WFS1: variants seen among roughly 807,000 people sequenced by gnomAD.
WFS1 encodes the protein wolframin ER transmembrane glycoprotein.
In WFS1, 90 loss-of-function variants were observed where a neutral mutation model predicts 68.5. The observed-to-expected ratio is 1.31, with a 90% CI of 1.11 to 1.56. The LOEUF is 1.56. Among genes scored for constraint, WFS1 ranks in the 40% most tolerant of loss-of-function variants. The probability of loss-of-function intolerance (pLI) is 0.00; values close to 1 mark genes in which losing one functional copy is unlikely to be tolerated. For synonymous variants in WFS1, 860 were observed against 540.7 expected, an observed-to-expected ratio of 1.59 and a Z score of -8.19; for missense variants, 1,767 against 1,232.6, an observed-to-expected ratio of 1.43 and a Z score of -6.49.
intron 5 of WFS1, among the ~76,000 whole-genome samples, 200 bp downstream of exon 5, chr4:6,291,567 G>A (rs575421064): frequency 1.3e-5 from 2 of 152,292 alleles, no homozygotes; most frequent in East Asian, 3.9e-4. Context: ...TGCCCTAGTG[G>A]TGAGGTGTGT....
intron 3 of WFS1, 67 bp from the exon 4 acceptor site, chr4:6,288,920 G>A (rs1578594749): frequency 2.5e-6 from 4 of 1,574,828 alleles, no homozygotes; most frequent in Non-Finnish European, 3.4e-6. Flanking sequence ...AAGGAGGTGG[G>A]CTGGCAGGGA....
In WFS1 at chr4:6,302,130, G is replaced by A. The variant is rs141328044; in HGVS notation, c.2335G>A (p.Val779Met). 1.5e-3 allele frequency: 2,444 copies of A among 1,612,962 alleles called. 16 individuals are homozygous for A. In the African/African-American group the frequency reaches 0.021, roughly 14 times the overall value. ...CGACCGCTACAAGTTTGAGATTACC[G>A]TGGGCATGCCATTCAGCAGCGGCGC... The part of the protein sequence containing the change: ...KFDRYKFEIT[V>M]GMPFSSGADG... Residue 779 changes from valine to methionine, a missense_variant, in exon 8 of 8, where the codon GTG becomes ATG. Physicochemically the swap from Val to Met is conservative, Grantham distance 21 (BLOSUM62 1). Coordinates refer to ENST00000226760, the MANE Select transcript of WFS1 (RefSeq NM_006005.3).
At chr4:6,278,524 C>T (rs1730062206) in intron 2 of WFS1, among the ~76,000 whole-genome samples, 1 of 152,238 alleles carries the variant, frequency 6.6e-6, no homozygotes, top group Admixed American at 6.5e-5. Context: ...GCCTGCAGGA[C>T]TCCTCATGGC....
Position 6,302,376 on chromosome 4 carries a change from G to C in WFS1, c.2581G>C (p.Val861Leu). The change falls in exon 8 of 8, where the codon GTG (valine) becomes CTG (leucine). Residue 861 changes from valine to leucine, a missense_variant. Physicochemically the swap from Val to Leu is conservative, Grantham distance 32 (BLOSUM62 1). Transcript: ENST00000226760. The stretch of plus-strand genomic sequence containing the variant: ...CCAGCTCTCACCCACCAGGCGGCAC[G>C]TGAAGATCGAGCACGACTGGCGCAG... ...MAQLSPTRRH[V>L]KIEHDWRSTV... 6.2e-7 allele frequency: 1 copy of C among 1,613,084 alleles called. No homozygotes were observed. Among genetic ancestry groups the C allele is most frequent in the Non-Finnish European group, 8.5e-7 (1 of 1,179,984 alleles).
At position 6,301,732 on chromosome 4, in the gene WFS1, TCTG is replaced by T; in HGVS notation, c.1941_1943del (p.Cys647del). 6.2e-7 allele frequency: 1 copy of T among 1,613,986 alleles called. No individual in the cohort carries two copies. The highest frequency in any genetic ancestry group is 8.5e-7 in the Non-Finnish European group (1 of 1,180,018). ...GTGTGGCTCACGGCCATCGTGCTGT[TCTG>T]CTGGTTCTATGTGTACCGCTCAGAG... On this transcript the variant is annotated inframe_deletion, in exon 8 of 8. Transcript: ENST00000226760.
intron 2 of WFS1, among the ~76,000 whole-genome samples, chr4:6,286,365 AC>A (rs1014199168): frequency 1.4e-4 from 21 of 152,068 alleles, no homozygotes; most frequent in Admixed American, 1.2e-3. Flanking sequence ...TGCCCCTTCC[AC>A]CCTGTGAGGA....
At chr4:6,277,139 C>A (rs1730017059) in intron 1 of WFS1, among the ~76,000 whole-genome samples, 1 of 152,252 alleles carries the variant, frequency 6.6e-6, no homozygotes, top group Non-Finnish European at 1.5e-5. Context: ...ATCCCCGTTT[C>A]TTGGATGAGG....
chr4:6,289,482 G>T (rs1481391759), intron 4 of WFS1, among the ~76,000 whole-genome samples: 2 of 152,262 alleles, frequency 1.3e-5, no homozygotes, highest in Non-Finnish European at 2.9e-5. Context: ...AATGTGGCCT[G>T]CAGTCAGAGT....
chr4:6,275,895 G>A (rs1729979997), intron 1 of WFS1, among the ~76,000 whole-genome samples: 1 of 152,202 alleles, frequency 6.6e-6, no homozygotes, highest in Non-Finnish European at 1.5e-5. Flanking sequence ...GTGGCCAGGG[G>A]ACTCCCTCGT....
chr4:6,302,205 C>T lies in WFS1; in HGVS notation c.2410C>T (p.Leu804=), dbSNP rs775712998. 7 of 1,611,386 alleles carry T rather than the reference C, an allele frequency of 4.3e-6. No individual in the cohort carries two copies. The highest frequency in any genetic ancestry group is 2.7e-5 in the African/African-American group (2 of 75,054). ...EEDDVTKDIV[L]RASSEFKSVL... is the part of the protein sequence containing the mutation. ...GGACGACGTCACCAAGGACATCGTG[C>T]TGCGGGCCAGCAGCGAGTTCAAGAG... The change falls in exon 8 of 8, where the codon CTG becomes TTG. Residue 804 remains leucine, a synonymous_variant. Transcript: ENST00000226760.
At chr4:6,299,418 G>A (rs1015354626) in intron 7 of WFS1, among the ~76,000 whole-genome samples, 8 of 152,016 alleles carry the variant, frequency 5.3e-5, no homozygotes, top group African/African-American at 1.7e-4. Context: ...GTGCGCTGGT[G>A]TGTATGTGTA....
chr4:6,288,172 G>A (rs995783437), intron 3 of WFS1, among the ~76,000 whole-genome samples: 8 of 146,404 alleles, frequency 5.5e-5, no homozygotes, highest in Admixed American at 2.1e-4. Flanking sequence ...AGCCGAGATC[G>A]CACCACCACG....
At chr4:6,297,142 A>G (rs1240374949) in intron 7 of WFS1, among the ~76,000 whole-genome samples, 2 of 152,216 alleles carry the variant, frequency 1.3e-5, no homozygotes, top group Non-Finnish European at 2.9e-5. Context: ...AGTCCTTTTT[A>G]GAAGGGAGAG....
At position 6,285,390 on chromosome 4, in the gene WFS1, A is replaced by G. The variant is rs530561122; in HGVS notation, c.233-1703A>G. Among the ~76,000 whole-genome samples, 79 of 148,776 alleles carry G rather than the reference A, an allele frequency of 5.3e-4. 1 individual carries two copies. The highest frequency in any genetic ancestry group is 1.8e-3 in the African/African-American group (72 of 40,242). On this transcript the variant is annotated intron_variant, in intron 2 of 7. Coordinates refer to ENST00000226760, the MANE Select transcript of WFS1 (RefSeq NM_006005.3). Reference sequence around the variant, plus strand: ...CATCAAGGGAGAGGGGTGTCCAGGGATGGGGGCATCCAGGGAGGGGGGCTT... The same window carrying G: ...CATCAAGGGAGAGGGGTGTCCAGGGGTGGGGGCATCCAGGGAGGGGGGCTT...
At chr4:6,274,812 G>A (rs766413555) in intron 1 of WFS1, among the ~76,000 whole-genome samples, 8 of 94,140 alleles carry the variant, frequency 8.5e-5, no homozygotes, top group Non-Finnish European at 1.7e-4. Flanking sequence ...AATGGGCCCC[G>A]GGAGAGAGGG....
chr4:6,282,575 C>T (rs1177940189), intron 2 of WFS1, among the ~76,000 whole-genome samples: 1 of 152,172 alleles, frequency 6.6e-6, no homozygotes, highest in Admixed American at 6.5e-5. Context: ...ATTTGACATA[C>T]ATCCAAAAAT....
At chr4:6,291,146 C>T (rs1467755600) in intron 4 of WFS1, 51 bp from the exon 5 acceptor site, 11 of 1,602,030 alleles carry the variant, frequency 6.9e-6, no homozygotes, top group African/African-American at 2.7e-5. Flanking sequence ...AGAGTGGCAC[C>T]GAAAGCCTAG....
chr4:6,272,314 A>G (rs1212144093), intron 1 of WFS1, among the ~76,000 whole-genome samples: 2 of 152,056 alleles, frequency 1.3e-5, no homozygotes, highest in Admixed American at 1.3e-4. Context: ...AGCAGGTGCC[A>G]GGTGTGTGGT....
intron 2 of WFS1, among the ~76,000 whole-genome samples, chr4:6,285,805 G>C (rs1273861140): frequency 5.3e-5 from 8 of 152,246 alleles, no homozygotes. Flanking sequence ...GACCAGAAAG[G>C]CTGGTCCTCA....
Sources: gnomAD v4.1 joint callset for allele counts (sites outside exome capture counted in the v4.1 genomes callset) on GRCh38, gnomAD v4.1.1 for gene constraint, MANE v1.5 for transcripts, NCBI Gene and HGNC (gene_info 2026-07-23, HGNC 2026-07-21) for gene names.